Variants in DSCAM observed in about 807,000 individuals in gnomAD.
The protein encoded by DSCAM is cell adhesion molecule DSCAM.
DSCAM carries 47 observed loss-of-function variants against 217.7 expected under a neutral mutation model. The observed-to-expected ratio is 0.22, with a 90% CI of 0.17 to 0.28. DSCAM has a LOEUF of 0.28. DSCAM is among the 10% of genes least tolerant of loss of function. DSCAM has a pLI of 1.00. For missense variants in DSCAM, 2,080 were observed against 2,618.3 expected, an observed-to-expected ratio of 0.79 and a Z score of 4.49; for synonymous variants, 1,056 against 1,015.3, an observed-to-expected ratio of 1.04 and a Z score of -0.76.
Position 40,044,162 on chromosome 21 carries a change from C to T in DSCAM, c.5299G>A (p.Asp1767Asn), listed in dbSNP as rs200177418. The part of the protein sequence containing the change: ...PTISAHTLTT[D>N]WRLPTPRAAG... The stretch of plus-strand genomic sequence containing the variant: ...GCCCTGGGTGTTGGCAGCCTCCAGT[C>T]TGTGGTGAGGGTGTGTGCTGAGATG... The change falls in exon 31 of 33, where the codon GAC becomes AAC. Residue 1767 changes from aspartate to asparagine, a missense_variant. Physicochemically the swap from Asp to Asn is conservative, Grantham distance 23. Transcript: ENST00000400454. The T allele has an allele frequency of 1.9e-6, 3 of 1,614,068 alleles. No individual in the cohort carries two copies. Among genetic ancestry groups the T allele is most frequent in the Non-Finnish European group, 2.5e-6 (3 of 1,180,036 alleles).
At chr21:40,126,070 A>G (rs1383508341) in intron 19 of DSCAM, among the ~76,000 whole-genome samples, 1 of 152,220 alleles carries the variant, frequency 6.6e-6, no homozygotes, top group East Asian at 1.9e-4. Context: ...CATGGGTAGT[A>G]CTGTAAGTTA....
At position 40,347,977 on chromosome 21, in the gene DSCAM, G is replaced by C. The variant is rs375659533; in HGVS notation, c.935-32C>G. On this transcript the variant is annotated intron_variant, in intron 5 of 32. Coordinates refer to ENST00000400454, the MANE Select transcript of DSCAM (RefSeq NM_001389.5). The stretch of plus-strand genomic sequence containing the variant: ...GTTTTAGTAAGAGAGAGAGAAAAAA[G>C]ATAAAAACATCACTAGATAGCATTT... The C allele has an allele frequency of 1.6e-4, 247 of 1,591,510 alleles. 1 individual carries two copies. The highest frequency in any genetic ancestry group is 1.9e-4 in the Non-Finnish European group (222 of 1,168,614).
intron 3 of DSCAM, among the ~76,000 whole-genome samples, chr21:40,679,458 T>A (rs969685344): frequency 2.0e-5 from 3 of 152,250 alleles, no homozygotes; most frequent in African/African-American, 4.8e-5. Flanking sequence ...AAGCTCTCTC[T>A]GCCTCAGCCT....
chr21:40,082,541 T>G (rs898572801), intron 24 of DSCAM, among the ~76,000 whole-genome samples: 1 of 76,196 alleles, frequency 1.3e-5, no homozygotes, highest in Non-Finnish European at 2.9e-5. Context: ...TGCAGCTGGG[T>G]CCTTGCAAGC....
chr21:40,730,453 C>G (rs931543113), intron 1 of DSCAM, among the ~76,000 whole-genome samples: 6 of 152,204 alleles, frequency 3.9e-5, no homozygotes, highest in Admixed American at 3.9e-4. Flanking sequence ...GACCCAGGAT[C>G]GCAGATTTCC....
intron 32 of DSCAM, among the ~76,000 whole-genome samples, chr21:40,021,398 T>C (rs1342735279): frequency 6.6e-6 from 1 of 152,064 alleles, no homozygotes; most frequent in Non-Finnish European, 1.5e-5. Flanking sequence ...TACCACCCAC[T>C]TTGAACGGCC....
Position 40,829,867 on chromosome 21 carries a change from G to A in DSCAM, c.43+16752C>T, listed in dbSNP as rs2091998961. On this transcript the variant is annotated intron_variant, in intron 1 of 32. Coordinates refer to ENST00000400454, the MANE Select transcript of DSCAM (RefSeq NM_001389.5). ...GAGCCTCTCATCTCAGGAATGAGCT[G>A]AGATTCCAGAAATGCTGGGATGAAA... Among the ~76,000 whole-genome samples the A allele has an allele frequency of 5.3e-5, 8 of 152,174 alleles. No individual in the cohort carries two copies. The South Asian group carries it at 1.7e-3, about 32-fold the overall frequency.
At chr21:40,242,594 G>C (rs996706745) in intron 11 of DSCAM, among the ~76,000 whole-genome samples, 4 of 152,184 alleles carry the variant, frequency 2.6e-5, no homozygotes, top group Non-Finnish European at 4.4e-5. Context: ...GTAGCCTTCA[G>C]TGAATGAGTT....
At chr21:40,186,319 T>C (rs1413107040) in intron 14 of DSCAM, among the ~76,000 whole-genome samples, 1 of 152,138 alleles carries the variant, frequency 6.6e-6, no homozygotes. Flanking sequence ...TAACGTGCGG[T>C]ATCCAGGAAG....
intron 3 of DSCAM, among the ~76,000 whole-genome samples, chr21:40,391,101 A>G (rs2075129840): frequency 6.6e-6 from 1 of 152,216 alleles, no homozygotes; most frequent in Non-Finnish European, 1.5e-5. Flanking sequence ...ACCGCATGAA[A>G]TCATTGTGCT....
At chr21:40,489,769 C>T (rs1283415675) in intron 3 of DSCAM, among the ~76,000 whole-genome samples, 10 of 39,852 alleles carry the variant, frequency 2.5e-4, no homozygotes, top group South Asian at 1.0e-3. Context: ...GGCGAGACTC[C>T]GTCTCAAAAA....
At chr21:40,027,200 T>C (rs570130109) in intron 32 of DSCAM, among the ~76,000 whole-genome samples, 2,540 of 152,410 alleles carry the variant, frequency 0.017, 72 homozygotes, top group African/African-American at 0.058. Context: ...TGTTGAATAT[T>C]GGCCCCCACT....
rs1480606827 is a variant in DSCAM, at chr21:40,133,962, G to C, written c.3454C>G (p.Leu1152Val). ...TTGGTGTACTTTTCCAGCCCGTCCAGCTCCAGTGAAGGCTGTGTGGTGGTG... is the reference window on the plus strand; with the variant it reads ...TTGGTGTACTTTTCCAGCCCGTCCACCTCCAGTGAAGGCTGTGTGGTGGTG... ...NITTTQPSLE[L>V]DGLEKYTNYS... is the part of the protein sequence containing the mutation. Residue 1152 changes from leucine to valine, a missense_variant, in exon 19 of 33, where the codon CTG becomes GTG. Physicochemically the swap from Leu to Val is conservative, Grantham distance 32 (BLOSUM62 1). Coordinates refer to ENST00000400454, the MANE Select transcript of DSCAM (RefSeq NM_001389.5). 1.9e-6 allele frequency: 3 copies of C among 1,613,544 alleles called. No homozygotes were observed. The highest frequency in any genetic ancestry group is 1.7e-6 in the Non-Finnish European group (2 of 1,179,762).
Position 40,565,860 on chromosome 21 carries a change from G to A in DSCAM, c.508+126950C>T, listed in dbSNP as rs17835784. Among the ~76,000 whole-genome samples the A allele has an allele frequency of 4.8e-3, 738 of 152,230 alleles. 5 individuals are homozygous for A. The highest frequency in any genetic ancestry group is 7.9e-3 in the Non-Finnish European group (535 of 68,022). ...AGTCCCAGTTTATTTTGTAAAATTG[G>A]ACTCTTGTCACTCCTGTCATTTCCA... On this transcript the variant is annotated intron_variant, in intron 3 of 32. Transcript: ENST00000400454.
chr21:40,271,620 C>G (rs2073618083), intron 11 of DSCAM, among the ~76,000 whole-genome samples: 1 of 152,186 alleles, frequency 6.6e-6, no homozygotes, highest in African/African-American at 2.4e-5. Context: ...AAAAGTCAAG[C>G]TGGGAACTGG....
At chr21:40,822,390 A>G (rs986941849) in intron 1 of DSCAM, among the ~76,000 whole-genome samples, 3 of 148,606 alleles carry the variant, frequency 2.0e-5, no homozygotes, top group Non-Finnish European at 4.5e-5. Context: ...ATCTAACTAA[A>G]TTGGATTATT....
intron 11 of DSCAM, among the ~76,000 whole-genome samples, chr21:40,247,673 G>C (rs2073244596): frequency 6.6e-6 from 1 of 152,196 alleles, no homozygotes; most frequent in African/African-American, 2.4e-5. Context: ...TCATGGGCTG[G>C]TGTTGAATGT....
At chr21:40,771,663 G>A (rs992041042) in intron 1 of DSCAM, among the ~76,000 whole-genome samples, 5 of 152,290 alleles carry the variant, frequency 3.3e-5, no homozygotes, top group African/African-American at 7.2e-5. Flanking sequence ...AAGAGCCAGC[G>A]AAAGGAAGTA....
At chr21:40,571,075 G>A (rs1374665092) in intron 3 of DSCAM, among the ~76,000 whole-genome samples, 6 of 151,834 alleles carry the variant, frequency 4.0e-5, no homozygotes, top group Non-Finnish European at 8.8e-5. Flanking sequence ...AGGTACATCA[G>A]AGGTGAACCT....
Sources: allele counts gnomAD v4.1 joint callset (sites outside exome capture counted in the v4.1 genomes callset), GRCh38; gene constraint gnomAD v4.1.1; transcripts MANE v1.5; gene names NCBI Gene and HGNC (gene_info 2026-07-23, HGNC 2026-07-21).